Variants in RPRD1A observed in about 807,000 individuals in gnomAD.
The protein encoded by RPRD1A is regulation of nuclear pre-mRNA domain containing 1A.
In RPRD1A, 9 loss-of-function variants were observed where a neutral mutation model predicts 37.8. The observed-to-expected ratio is 0.24, with a 90% CI of 0.14 to 0.42. The LOEUF is 0.42. RPRD1A is among the 10% of genes least tolerant of loss of function. The pLI, the probability that RPRD1A is intolerant of heterozygous loss-of-function variation, is 1.00. For synonymous variants in RPRD1A, 138 were observed against 139.7 expected (o/e 0.99, Z 0.08); for missense variants, 255 against 371.0 (o/e 0.69, Z 2.57).
chr18:36,027,706 A>C (rs1435160228), intron 4 of RPRD1A: 1 of 156,382 alleles, frequency 6.4e-6, no homozygotes, highest in Non-Finnish European at 1.4e-5. Context: ...ATCATTGTAC[A>C]CTAGAAGTTT....
At chr18:36,061,498 T>C (rs1044209297) in intron 1 of RPRD1A, among the ~76,000 whole-genome samples, 3 of 152,228 alleles carry the variant, frequency 2.0e-5, no homozygotes, top group Admixed American at 2.0e-4. Flanking sequence ...ACAGCTCTTA[T>C]AGAGATCTTT....
intron 6 of RPRD1A, among the ~76,000 whole-genome samples, chr18:35,995,425 C>T (rs1053733657): frequency 3.3e-5 from 5 of 151,874 alleles, no homozygotes; most frequent in Admixed American, 2.6e-4. Flanking sequence ...GTCACCACAC[C>T]CCACTAATTT....
intron 6 of RPRD1A, among the ~76,000 whole-genome samples, chr18:36,002,173 T>C (rs2144163262): frequency 6.6e-6 from 1 of 152,342 alleles, no homozygotes; most frequent in East Asian, 1.9e-4. Flanking sequence ...TTAAAATTCT[T>C]GGCTATTTTT....
Position 35,991,764 on chromosome 18 carries a change from T to G in RPRD1A, c.*1387A>C, listed in dbSNP as rs954335769. ...TGGCTATTAAAAATAAATGTCTGCC[T>G]TCTTCATATGCAATTCATTGTAACT... On this transcript the variant is annotated 3_prime_UTR_variant, in exon 7 of 7. Transcript: ENST00000399022. 1 of 152,226 alleles carries G rather than the reference T, an allele frequency of 6.6e-6. No homozygotes were observed. The highest frequency in any genetic ancestry group is 2.4e-5 in the African/African-American group (1 of 41,452). The allele number at this position is 152,226 out of a possible 1,614,324, so 9.4% of individuals were successfully genotyped here.
At chr18:35,996,679 A>G (rs1319181117) in intron 6 of RPRD1A, among the ~76,000 whole-genome samples, 2 of 152,180 alleles carry the variant, frequency 1.3e-5, no homozygotes, top group East Asian at 3.8e-4. Context: ...CTGTGATGCA[A>G]CTTGGTTAAA....
intron 6 of RPRD1A, among the ~76,000 whole-genome samples, chr18:36,022,372 G>GA (rs1911052947): frequency 6.6e-6 from 1 of 152,184 alleles, no homozygotes; most frequent in Admixed American, 6.5e-5. Flanking sequence ...TTTCCATGTA[G>GA]AAAAAAGAGC....
rs964098335 is a variant in RPRD1A at position 36,053,594 on chromosome 18, G to A, written c.151+13660C>T. ...GATGAACATGCAGGTTGTTTCAATCGTTTGGTCACTATGAACAGTCCTATT... is the reference window on the plus strand; with the variant it reads ...GATGAACATGCAGGTTGTTTCAATCATTTGGTCACTATGAACAGTCCTATT... On this transcript the variant is annotated intron_variant, in intron 1 of 6. Transcript: ENST00000399022. Among the ~76,000 whole-genome samples, 15 of 152,060 alleles carry A rather than the reference G, an allele frequency of 9.9e-5. 1 individual carries two copies. Among genetic ancestry groups the A allele is most frequent in the Admixed American group, 7.2e-4 (11 of 15,260 alleles).
intron 1 of RPRD1A, among the ~76,000 whole-genome samples, chr18:36,042,678 CAT>C (rs1469845943): frequency 4.6e-5 from 7 of 152,130 alleles, no homozygotes; most frequent in Non-Finnish European, 1.0e-4. Context: ...ACAGTCAAGA[CAT>C]GTGCACAGGA....
intron 6 of RPRD1A, among the ~76,000 whole-genome samples, chr18:36,023,798 G>A (rs1021203500): frequency 6.6e-5 from 10 of 152,278 alleles, no homozygotes; most frequent in African/African-American, 2.4e-4. Flanking sequence ...CAGATGATTA[G>A]TCTTTTTTAG....
chr18:36,018,891 A>T (rs1910792040), intron 6 of RPRD1A, among the ~76,000 whole-genome samples: 1 of 152,200 alleles, frequency 6.6e-6, no homozygotes. Flanking sequence ...ATAGGAATAT[A>T]AACCTGAGTG....
chr18:36,049,626 G>A (rs756499859), intron 1 of RPRD1A, among the ~76,000 whole-genome samples: 1 of 152,218 alleles, frequency 6.6e-6, no homozygotes, highest in Non-Finnish European at 1.5e-5. Context: ...CATCTGTGTT[G>A]TAGCATGTGT....
intron 6 of RPRD1A, among the ~76,000 whole-genome samples, chr18:36,007,661 C>T (rs1296142801): frequency 1.3e-5 from 2 of 152,074 alleles, no homozygotes; most frequent in South Asian, 2.1e-4. Context: ...AAATTCTGGC[C>T]GGGCACGGTG....
chr18:36,025,196 A>G (rs915546531), intron 6 of RPRD1A: 1 of 153,248 alleles, frequency 6.5e-6, no homozygotes, highest in African/African-American at 2.4e-5. Context: ...TCTGCGTTCC[A>G]AACAACTCAC....
intron 6 of RPRD1A, among the ~76,000 whole-genome samples, chr18:35,999,971 T>C (rs562969368): frequency 5.8e-4 from 88 of 152,318 alleles, no homozygotes; most frequent in African/African-American, 1.9e-3. Context: ...ACTTCATTTT[T>C]CATGTCCTGG....
intron 6 of RPRD1A, among the ~76,000 whole-genome samples, chr18:36,002,818 C>T (rs368259202): frequency 5.4e-4 from 82 of 152,194 alleles, no homozygotes; most frequent in African/African-American, 1.9e-3. Flanking sequence ...GTGAGGTAAA[C>T]AAGTCAATAG....
chr18:35,991,757 G>A lies in RPRD1A; in HGVS notation c.*1394C>T, dbSNP rs569342644. ...AACTACTTGGCTATTAAAAATAAAT[G>A]TCTGCCTTCTTCATATGCAATTCAT... On this transcript the variant is annotated 3_prime_UTR_variant, in exon 7 of 7. Coordinates refer to ENST00000399022, the MANE Select transcript of RPRD1A (RefSeq NM_018170.5). 95 of 152,260 alleles carry A rather than the reference G, an allele frequency of 6.2e-4. No individual in the cohort carries two copies. Among genetic ancestry groups the A allele is most frequent in the African/African-American group, 1.9e-3 (80 of 41,554 alleles). The allele number at this position is 152,260 out of a possible 1,614,324, so 9.4% of individuals were successfully genotyped here.
intron 6 of RPRD1A, 75 bp from the exon 7 acceptor site, chr18:35,993,375 C>T: frequency 6.7e-7 from 1 of 1,484,228 alleles, no homozygotes. Flanking sequence ...CTACATAAAC[C>T]CAGGTACTAT....
chr18:36,009,483 AC>A (rs1910034884), intron 6 of RPRD1A, among the ~76,000 whole-genome samples: 1 of 152,114 alleles, frequency 6.6e-6, no homozygotes, highest in Non-Finnish European at 1.5e-5. Flanking sequence ...GAATGCTTCC[AC>A]CTTTACAACA....
intron 4 of RPRD1A, 175 bp from the exon 5 acceptor site, chr18:36,027,485 T>TAC: frequency 1.8e-6 from 1 of 563,982 alleles, no homozygotes; most frequent in South Asian, 2.3e-5. Context: ...GAGGCTATAC[T>TAC]ATGTTAGGTG....
Sources: gnomAD v4.1 joint callset for allele counts (sites outside exome capture counted in the v4.1 genomes callset) on GRCh38, gnomAD v4.1.1 for gene constraint, MANE v1.5 for transcripts, NCBI Gene and HGNC (gene_info 2026-07-23, HGNC 2026-07-21) for gene names.